Variants in PCDHA13 observed in about 807,000 individuals in gnomAD.
The protein encoded by PCDHA13 is protocadherin alpha-13.
A neutral mutation model predicts 64.8 loss-of-function variants in PCDHA13; 54 were observed. That is an observed-to-expected ratio of 0.83 (90% CI 0.67 to 1.04). The LOEUF is 1.04. Ranked by LOEUF, PCDHA13 falls within the 50% of genes least tolerant of loss-of-function variation. The pLI, the probability that PCDHA13 is intolerant of heterozygous loss-of-function variation, is 0.00. For missense variants in PCDHA13, 1,248 were observed against 1,254.3 expected (o/e 0.99, Z 0.08); for synonymous variants, 587 against 564.4 (o/e 1.04, Z -0.57).
chr5:140,996,737 T>G (rs887382236), intron 3 of PCDHA13, among the ~76,000 whole-genome samples: 3 of 152,166 alleles, frequency 2.0e-5, no homozygotes, highest in Non-Finnish European at 2.9e-5. Context: ...ACAAAAGTCA[T>G]AACAAATTAT....
intron 1 of PCDHA13, among the ~76,000 whole-genome samples, chr5:140,899,477 A>G (rs1309385245): frequency 3.3e-5 from 5 of 152,210 alleles, no homozygotes; most frequent in Non-Finnish European, 5.9e-5. Context: ...GGTTCTGTTT[A>G]TATGCTGGAT....
At chr5:140,899,789 G>A (rs1200461877) in intron 1 of PCDHA13, among the ~76,000 whole-genome samples, 17 of 152,024 alleles carry the variant, frequency 1.1e-4, no homozygotes, top group Admixed American at 9.8e-4. Context: ...GGTATAATTC[G>A]GCTGTGAATC....
At chr5:140,967,849 T>C in intron 1 of PCDHA13, 1 of 1,614,116 alleles carries the variant, frequency 6.2e-7, no homozygotes, top group Non-Finnish European at 8.5e-7. Flanking sequence ...TGAATGACAA[T>C]GCCCCAGAGG....
chr5:140,974,782 C>T (rs1211935245), intron 1 of PCDHA13, among the ~76,000 whole-genome samples: 11 of 152,150 alleles, frequency 7.2e-5, no homozygotes, highest in African/African-American at 2.7e-4. Context: ...GCCACTGCGC[C>T]CAGCCCTCAT....
chr5:140,907,364 C>T (rs1042794275), intron 1 of PCDHA13, among the ~76,000 whole-genome samples: 5 of 152,122 alleles, frequency 3.3e-5, no homozygotes, highest in East Asian at 1.9e-4. Context: ...CTTCTTTAGT[C>T]GTAAAGTGAG....
Position 141,009,779 on chromosome 5 carries a change from A to G in PCDHA13, c.2695A>G (p.Ile899Val), listed in dbSNP as rs1289763016. 3.7e-6 allele frequency: 6 copies of G among 1,613,952 alleles called. No individual in the cohort carries two copies. Among genetic ancestry groups the G allele is most frequent in the Non-Finnish European group, 5.1e-6 (6 of 1,180,030 alleles). ...CCCAGGATCTCCTGCAATCATCTCCATCCGGCAGGAGCCTACTAACAGCCA... is the reference window on the plus strand; with the variant it reads ...CCCAGGATCTCCTGCAATCATCTCCGTCCGGCAGGAGCCTACTAACAGCCA... ...IIPGSPAIIS[I>V]RQEPTNSQID... The change falls in exon 4 of 4, where the codon ATC becomes GTC. Residue 899 changes from isoleucine to valine, a missense_variant. Coordinates refer to ENST00000289272, the MANE Select transcript of PCDHA13 (RefSeq NM_018904.3).
intron 1 of PCDHA13, chr5:140,929,002 T>C (rs1584608620): frequency 6.2e-7 from 1 of 1,614,048 alleles, no homozygotes; most frequent in Non-Finnish European, 8.5e-7. Flanking sequence ...TTTCTTCGTG[T>C]GTACCAAGTT....
Position 140,882,247 on chromosome 5 carries a change from T to C in PCDHA13, c.-22T>C. Reference sequence around the variant, plus strand: ...AGGCGTTGTATATATTGCAGATAGCTCTGAGGTTTTTGGAGTGTACCATGC... The same window carrying C: ...AGGCGTTGTATATATTGCAGATAGCCCTGAGGTTTTTGGAGTGTACCATGC... On this transcript the variant is annotated 5_prime_UTR_variant, in exon 1 of 4. Transcript: ENST00000289272. 6.3e-7 allele frequency: 1 copy of C among 1,594,292 alleles called. No individual in the cohort carries two copies. The highest frequency in any genetic ancestry group is 8.6e-7 in the Non-Finnish European group (1 of 1,169,180).
chr5:140,966,742 G>T, intron 1 of PCDHA13: 1 of 1,422,480 alleles, frequency 7.0e-7, no homozygotes, highest in African/African-American at 1.5e-5. Context: ...GCCCTGCCCG[G>T]CTGCCTCCGC....
Position 140,882,684 on chromosome 5 carries a change from G to A in PCDHA13, c.416G>A (p.Arg139Gln), listed in dbSNP as rs781811851. Reference sequence around the variant, plus strand: ...CCCATATTCCCTGAAAGCAAGAAACGAATAATCATTGCAGAATCTAGACCT... The same window carrying A: ...CCCATATTCCCTGAAAGCAAGAAACAAATAATCATTGCAGAATCTAGACCT... The part of the protein sequence containing the change: ...NPPIFPESKK[R>Q]IIIAESRPPE... The change falls in exon 1 of 4, where the codon CGA becomes CAA. Residue 139 changes from arginine to glutamine, a missense_variant. Coordinates refer to ENST00000289272, the MANE Select transcript of PCDHA13 (RefSeq NM_018904.3). The A allele has an allele frequency of 1.9e-6, 3 of 1,614,172 alleles. No individual in the cohort carries two copies. The highest frequency in any genetic ancestry group is 1.1e-5 in the South Asian group (1 of 91,086).
chr5:140,903,172 C>T (rs2070066511), intron 1 of PCDHA13, among the ~76,000 whole-genome samples: 1 of 152,152 alleles, frequency 6.6e-6, no homozygotes, highest in Non-Finnish European at 1.5e-5. Flanking sequence ...GGTTTACATT[C>T]CCACCAATAG....
chr5:140,989,842 G>A (rs1411244835), intron 3 of PCDHA13, among the ~76,000 whole-genome samples: 1 of 152,178 alleles, frequency 6.6e-6, no homozygotes, highest in Non-Finnish European at 1.5e-5. Context: ...GTCAATGAGT[G>A]TGTGGACTGG....
chr5:140,883,316 G>A lies in PCDHA13; in HGVS notation c.1048G>A (p.Val350Ile). 1 of 1,614,078 alleles carries A rather than the reference G, an allele frequency of 6.2e-7. No homozygotes were observed. Among genetic ancestry groups the A allele is most frequent in the East Asian group, 2.2e-5 (1 of 44,884 alleles). ...AGATGTAAATGATAACGCCCCAGAG[G>A]TTACCATCACTTCTTTGTCACTCCC... ...VLDVNDNAPE[V>I]TITSLSLPIR... is the part of the protein sequence containing the mutation. Residue 350 changes from valine (V) to isoleucine (I), a missense_variant, in exon 1 of 4, where the codon GTT becomes ATT. By Grantham distance (29) the Val-to-Ile change is conservative. Transcript: ENST00000289272.
At chr5:140,895,292 C>T (rs1032250917) in intron 1 of PCDHA13, among the ~76,000 whole-genome samples, 11 of 152,044 alleles carry the variant, frequency 7.2e-5, no homozygotes, top group Non-Finnish European at 1.2e-4. Flanking sequence ...TTAGGACCTT[C>T]GATTTCCCCC....
intron 1 of PCDHA13, among the ~76,000 whole-genome samples, chr5:140,914,261 T>G (rs1294037425): frequency 6.6e-6 from 1 of 152,202 alleles, no homozygotes; most frequent in Non-Finnish European, 1.5e-5. Context: ...GCTTCAATGG[T>G]GGGTGCATAT....
chr5:140,936,235 GA>G (rs1358431789), intron 1 of PCDHA13, among the ~76,000 whole-genome samples: 2 of 152,076 alleles, frequency 1.3e-5, no homozygotes, highest in African/African-American at 4.8e-5. Context: ...TCCTTTTAAA[GA>G]AAACATATCC....
Position 140,884,423 on chromosome 5 carries a change from AC to A in PCDHA13, c.2156del (p.Thr719MetfsTer21). ...SLLVLTLLLYTALRCSAPPTE... is the reference protein window; with the variant it reads ...SLLVLTLLLYXALRCSAPPTE... ...GTTGGTGCTCACGTTGCTGCTGTATACTGCGCTGCGGTGCTCGGCACCGCCC... is the reference window on the plus strand; with the variant it reads ...GTTGGTGCTCACGTTGCTGCTGTATATGCGCTGCGGTGCTCGGCACCGCCC... On this transcript the variant is annotated frameshift_variant, in exon 1 of 4. Coordinates refer to ENST00000289272, the MANE Select transcript of PCDHA13 (RefSeq NM_018904.3). LOFTEE classifies it high-confidence loss of function. 3 of 1,613,932 alleles carry A rather than the reference AC, an allele frequency of 1.9e-6. No homozygotes were observed. Among genetic ancestry groups the A allele is most frequent in the Non-Finnish European group, 2.5e-6 (3 of 1,179,886 alleles).
chr5:140,896,540 T>C (rs1372765271), intron 1 of PCDHA13, among the ~76,000 whole-genome samples: 1 of 151,560 alleles, frequency 6.6e-6, no homozygotes, highest in Non-Finnish European at 1.5e-5. Flanking sequence ...ATTTTTCTTT[T>C]TTTTTTTTGT....
At position 140,998,145 on chromosome 5, in the gene PCDHA13, A is replaced by G. The variant is rs115385085; in HGVS notation, c.2543-11482A>G. ...GAATCATAATAGCTAACCTGTACTG[A>G]ACAGTTAAGCCATGTGCCAAGTATT... On this transcript the variant is annotated intron_variant, in intron 3 of 3. Transcript: ENST00000289272. 2.1e-3 allele frequency among the ~76,000 whole-genome samples: 325 copies of G among 152,342 alleles called. 2 individuals carry two copies. Among genetic ancestry groups the G allele is most frequent in the African/African-American group, 7.1e-3 (294 of 41,566 alleles).
Sources: gnomAD v4.1 joint callset for allele counts (sites outside exome capture counted in the v4.1 genomes callset) on GRCh38, gnomAD v4.1.1 for gene constraint, MANE v1.5 for transcripts, NCBI Gene and HGNC (gene_info 2026-07-23, HGNC 2026-07-21) for gene names.